The following ZSCAN23 variants were observed in gnomAD, a reference collection of about 807,000 sequenced individuals.
ZSCAN23 encodes zinc finger and SCAN domain-containing protein 23.
Under a neutral mutation model 19.3 loss-of-function variants are expected in ZSCAN23, and 19 were observed. That is an observed-to-expected ratio of 0.99 (90% CI 0.69 to 1.45). The LOEUF is 1.45. Among genes scored for constraint, ZSCAN23 ranks in the 40% most tolerant of loss-of-function variants. The pLI, the probability that ZSCAN23 is intolerant of heterozygous loss-of-function variation, is 0.00. For synonymous variants in ZSCAN23, 140 were observed against 166.2 expected, an observed-to-expected ratio of 0.84 and a Z score of 1.21; for missense variants, 372 against 462.5, an observed-to-expected ratio of 0.80 and a Z score of 1.79.
chr6:28,442,011 G>T (rs960284943), intron 1 of ZSCAN23, among the ~76,000 whole-genome samples: 15 of 151,658 alleles, frequency 9.9e-5, no homozygotes, highest in Middle Eastern at 3.4e-3. Context: ...CGGAGTAGCT[G>T]GGATTACAGG....
chr6:28,439,401 T>C (rs1487352545), intron 1 of ZSCAN23, among the ~76,000 whole-genome samples: 1 of 152,186 alleles, frequency 6.6e-6, no homozygotes, highest in Non-Finnish European at 1.5e-5. Context: ...TCCACTTTTC[T>C]TGGTGCGACT....
At chr6:28,440,285 TA>T (rs745802205) in intron 1 of ZSCAN23, among the ~76,000 whole-genome samples, 6 of 152,174 alleles carry the variant, frequency 3.9e-5, no homozygotes, top group Non-Finnish European at 8.8e-5. Flanking sequence ...AAGGCAGTGG[TA>T]AGGGCTCTAA....
At chr6:28,424,532 G>A in the ZSCAN23 span, among the ~76,000 whole-genome samples, 1 of 152,188 alleles carries the variant, frequency 6.6e-6, no homozygotes, top group Admixed American at 6.5e-5. Context: ...CAAAGTTGGA[G>A]TCAATCCTCT....
the ZSCAN23 span, among the ~76,000 whole-genome samples, chr6:28,423,719 G>C: frequency 6.6e-6 from 1 of 152,180 alleles, no homozygotes; most frequent in Non-Finnish European, 1.5e-5. Flanking sequence ...ATGCATTCCT[G>C]GGTGAAACAG....
downstream of ZSCAN23, among the ~76,000 whole-genome samples, chr6:28,430,374 A>AAAAC (rs1761739288): frequency 6.6e-6 from 1 of 152,090 alleles, no homozygotes; most frequent in Non-Finnish European, 1.5e-5. Context: ...CTTTCCAAAC[A>AAAAC]AAACAACCAA....
chr6:28,432,103 T>G (rs1761771376), downstream of ZSCAN23: 2 of 152,178 alleles, frequency 1.3e-5, no homozygotes, highest in Non-Finnish European at 2.9e-5. Context: ...TTGGTTTCCT[T>G]TACAAAATTT....
the ZSCAN23 span, among the ~76,000 whole-genome samples, chr6:28,423,751 A>C: frequency 6.6e-6 from 1 of 152,238 alleles, no homozygotes; most frequent in Non-Finnish European, 1.5e-5. Flanking sequence ...GGCTCACTGC[A>C]GCAGTGCGTA....
At chr6:28,429,060 T>C (rs1329327487), downstream of ZSCAN23, among the ~76,000 whole-genome samples, 1 of 152,158 alleles carries the variant, frequency 6.6e-6, no homozygotes, top group Non-Finnish European at 1.5e-5. Context: ...CTCCTTCACA[T>C]ACTATAACTA....
chr6:28,440,729 C>G lies in ZSCAN23; in HGVS notation c.-78+2670G>C, dbSNP rs180871719. Reference sequence around the variant, plus strand: ...AAGGCAATGCAGCTGAAGCTTAGAGCTCTGCCCAGAAAAATTCATTTCTGG... The same window carrying G: ...AAGGCAATGCAGCTGAAGCTTAGAGGTCTGCCCAGAAAAATTCATTTCTGG... On this transcript the variant is annotated intron_variant, in intron 1 of 3. Coordinates refer to ENST00000289788, the MANE Select transcript of ZSCAN23 (RefSeq NM_001012455.2). Among the ~76,000 whole-genome samples, 32 of 152,302 alleles carry G rather than the reference C, an allele frequency of 2.1e-4. No homozygotes were observed. In the East Asian group the frequency reaches 6.0e-3, roughly 28 times the overall value.
In ZSCAN23 at chr6:28,435,996, G is replaced by A; in HGVS notation, c.271C>T (p.Leu91=). The A allele has an allele frequency of 1.2e-6, 2 of 1,614,212 alleles. No individual in the cohort carries two copies. Among genetic ancestry groups the A allele is most frequent in the East Asian group, 2.2e-5 (1 of 44,878 alleles). The change falls in exon 2 of 4, where the codon CTG becomes TTG. Residue 91 remains leucine, a synonymous_variant. Transcript: ENST00000289788. The stretch of plus-strand genomic sequence containing the variant: ...ATAGTCAGGAACTGCTCCAGCACCA[G>A]CAGCTCTAGGATCTGCTCCTTGGTG... The part of the protein sequence containing the change: ...MHTKEQILEL[L]VLEQFLTILP...
At chr6:28,432,504 C>A (rs1161381801), downstream of ZSCAN23, among the ~76,000 whole-genome samples, 1 of 152,078 alleles carries the variant, frequency 6.6e-6, no homozygotes, top group African/African-American at 2.4e-5. Context: ...CTGAAAAATA[C>A]CACCCATCAC....
At position 28,436,214 on chromosome 6, in the gene ZSCAN23, G is replaced by A. The variant is rs759526153; in HGVS notation, c.53C>T (p.Ala18Val). 8.4e-6 allele frequency: 13 copies of A among 1,552,346 alleles called. No individual in the cohort carries two copies. The highest frequency in any genetic ancestry group is 1.0e-5 in the Non-Finnish European group (12 of 1,147,358). Residue 18 changes from alanine to valine, a missense_variant, in exon 2 of 4, where the codon GCA (alanine) becomes GTA (valine). Transcript: ENST00000289788. The stretch of plus-strand genomic sequence containing the variant: ...CTCCTCTTCCTCCTTTACCTTCACT[G>A]CCAGAAGTCCTTCCTGCATCTCTGC... The part of the protein sequence containing the change: ...QTAEMQEGLL[A>V]VKVKEEEEEH...
chr6:28,424,195 T>A, the ZSCAN23 span, among the ~76,000 whole-genome samples: 6 of 152,190 alleles, frequency 3.9e-5, no homozygotes, highest in Admixed American at 6.5e-5. Context: ...CCAGTGCATA[T>A]AAAAGTTATG....
rs1022918901 is a variant in ZSCAN23 at position 28,433,559 on chromosome 6, A to G, written c.*906T>C. The stretch of plus-strand genomic sequence containing the variant: ...TTACTAAGTCAATGTTAAGGGAAAT[A>G]AATTTTTTTATTTATGATCTTGGTG... On this transcript the variant is annotated 3_prime_UTR_variant, in exon 4 of 4. Transcript: ENST00000289788. 5 of 151,032 alleles carry G rather than the reference A, an allele frequency of 3.3e-5. No homozygotes were observed. The highest frequency in any genetic ancestry group is 4.9e-5 in the African/African-American group (2 of 40,970). 9.4% of individuals were successfully genotyped at this position (151,032 alleles called of 1,614,324 possible).
In ZSCAN23 at chr6:28,438,024, TTTTTG is replaced by T. The variant is rs542755079; in HGVS notation, c.-77-1686_-77-1682del. ...GAATAATAACCTGTAGAATAAAATA[TTTTTG>T]TTTTAAGTAAAATTGTTGTAATCCA... On this transcript the variant is annotated intron_variant, in intron 1 of 3. Transcript: ENST00000289788. Among the ~76,000 whole-genome samples the T allele has an allele frequency of 2.9e-3, 439 of 152,168 alleles. 5 individuals carry two copies. The highest frequency in any genetic ancestry group is 0.01 in the African/African-American group (424 of 41,528).
At chr6:28,442,257 A>G (rs370882960) in intron 1 of ZSCAN23, among the ~76,000 whole-genome samples, 3 of 152,222 alleles carry the variant, frequency 2.0e-5, no homozygotes, top group East Asian at 1.9e-4. Flanking sequence ...AATGAGGTCA[A>G]CAACTGCCTT....
intron 1 of ZSCAN23, among the ~76,000 whole-genome samples, chr6:28,438,399 CCTACA>C (rs1281142580): frequency 9.2e-5 from 14 of 152,078 alleles, no homozygotes; most frequent in Admixed American, 3.3e-4. Context: ...GCCCAGCAAC[CCTACA>C]CTATTCTTAA....
At chr6:28,436,419 A>G (rs1041447784) in intron 1 of ZSCAN23, 76 bp from the exon 2 acceptor site, 14 of 711,244 alleles carry the variant, frequency 2.0e-5, no homozygotes, top group African/African-American at 2.0e-4. Context: ...GAGTATTTAC[A>G]CTAAAATCAG....
the ZSCAN23 span, among the ~76,000 whole-genome samples, chr6:28,425,429 G>A: frequency 6.6e-6 from 1 of 152,136 alleles, no homozygotes. Flanking sequence ...CCAGGCTCAA[G>A]CAATCTACCC....
Sources: allele counts gnomAD v4.1 joint callset (sites outside exome capture counted in the v4.1 genomes callset), GRCh38; gene constraint gnomAD v4.1.1; transcripts MANE v1.5; gene names NCBI Gene and HGNC (gene_info 2026-07-23, HGNC 2026-07-21).